SLC39A9: variants seen among roughly 807,000 people sequenced by gnomAD.
SLC39A9 encodes zinc transporter ZIP9.
In SLC39A9, 14 loss-of-function variants were observed where a neutral mutation model predicts 28.4. The observed-to-expected ratio is 0.49, with a 90% CI of 0.33 to 0.77. The LOEUF (loss-of-function observed/expected upper bound fraction) is 0.77, where lower values mean the gene tolerates loss of function less well. SLC39A9 is among the 30% of genes least tolerant of loss of function. The pLI is 0.02. For missense variants in SLC39A9, 283 were observed against 381.1 expected (o/e 0.74, Z 2.14); for synonymous variants, 119 against 149.6 (o/e 0.80, Z 1.49).
At chr14:69,432,555 T>C (rs997864165) in intron 2 of SLC39A9, among the ~76,000 whole-genome samples, 3 of 152,218 alleles carry the variant, frequency 2.0e-5, no homozygotes, top group Non-Finnish European at 4.4e-5. Flanking sequence ...TTAGTTTTAT[T>C]AGGTCCTACT....
At chr14:69,446,945 T>TAG (rs748454128) in intron 3 of SLC39A9, among the ~76,000 whole-genome samples, 11,430 of 131,524 alleles carry the variant, frequency 0.087, 547 homozygotes, top group Middle Eastern at 0.21. Flanking sequence ...TATATATATA[T>TAG]ATAGAGAGAG....
In SLC39A9 at chr14:69,453,412, C is replaced by A. The variant is rs111378848; in HGVS notation, c.472+103C>A. The stretch of plus-strand genomic sequence containing the variant: ...TCCTCATTGAATGCTCTTGGACTGG[C>A]CTTTGAGGAAAAGGTTTCTTAATGA... On this transcript the variant is annotated intron_variant, in intron 4 of 6. Coordinates refer to ENST00000336643, the MANE Select transcript of SLC39A9 (RefSeq NM_018375.5). The A allele has an allele frequency of 9.3e-5, 99 of 1,059,868 alleles. No individual in the cohort carries two copies. The African/African-American group carries it at 1.4e-3, about 15-fold the overall frequency. 65.7% of individuals were successfully genotyped at this position (1,059,868 alleles called of 1,614,324 possible). A position where few individuals can be genotyped will look rare whatever the true frequency, so the allele number is the denominator to read the frequency against.
intron 1 of SLC39A9, among the ~76,000 whole-genome samples, chr14:69,405,102 G>T (rs1478796566): frequency 2.0e-5 from 3 of 152,140 alleles, no homozygotes; most frequent in Non-Finnish European, 2.9e-5. Context: ...CACAAGAACA[G>T]CAAGAACTCA....
chr14:69,447,082 C>G (rs569355585), intron 3 of SLC39A9, among the ~76,000 whole-genome samples: 9 of 152,032 alleles, frequency 5.9e-5, no homozygotes, highest in African/African-American at 1.9e-4. Context: ...AAGGTTGGCT[C>G]AGGCACGCAT....
intron 4 of SLC39A9, among the ~76,000 whole-genome samples, chr14:69,453,894 T>C (rs1281262701): frequency 1.3e-5 from 2 of 152,246 alleles, no homozygotes; most frequent in African/African-American, 4.8e-5. Context: ...GCCTCAAATA[T>C]TTACTGTCTA....
rs1306313002 is a variant in SLC39A9 at position 69,460,086 on chromosome 14, AATAAGTGT to A, written c.*1498_*1505del. The A allele has an allele frequency of 1.0e-5, 10 of 981,014 alleles. No homozygotes were observed. The highest frequency in any genetic ancestry group is 1.1e-5 in the Non-Finnish European group (9 of 825,632). The allele number at this position is 981,014 out of a possible 1,614,324, so 60.8% of individuals were successfully genotyped here. A position where few individuals can be genotyped will look rare whatever the true frequency, so the allele number is the denominator to read the frequency against. On this transcript the variant is annotated 3_prime_UTR_variant, in exon 7 of 7. Transcript: ENST00000336643. ...AATTTTTGTAAACCCTGTCTTGTCAAATAAGTGTATAATATTGTATTATTAATTTATTT... is the reference window on the plus strand; with the variant it reads ...AATTTTTGTAAACCCTGTCTTGTCAAATAATATTGTATTATTAATTTATTT...
intron 3 of SLC39A9, among the ~76,000 whole-genome samples, chr14:69,442,961 A>G (rs996776278): frequency 6.6e-5 from 10 of 152,154 alleles, no homozygotes; most frequent in Non-Finnish European, 1.5e-5. Flanking sequence ...ACCTAAACAC[A>G]TTTGTAGCTT....
At chr14:69,421,968 G>A (rs1883924310) in intron 1 of SLC39A9, among the ~76,000 whole-genome samples, 1 of 152,150 alleles carries the variant, frequency 6.6e-6, no homozygotes, top group African/African-American at 2.4e-5. Flanking sequence ...CCCTGGGTGA[G>A]GTGTCACCCC....
chr14:69,433,208 A>G (rs1884580382), intron 2 of SLC39A9, among the ~76,000 whole-genome samples: 2 of 152,162 alleles, frequency 1.3e-5, no homozygotes, highest in South Asian at 4.1e-4. Context: ...GAATTTCATC[A>G]GGTGCTTTTT....
At chr14:69,438,305 G>A (rs1488877883) in intron 2 of SLC39A9, among the ~76,000 whole-genome samples, 2 of 152,308 alleles carry the variant, frequency 1.3e-5, no homozygotes, top group African/African-American at 2.4e-5. Flanking sequence ...ACAGGCATGA[G>A]CCACCGCGCC....
intron 1 of SLC39A9, among the ~76,000 whole-genome samples, chr14:69,414,769 A>G (rs1204405742): frequency 6.6e-6 from 1 of 152,236 alleles, no homozygotes; most frequent in Non-Finnish European, 1.5e-5. Context: ...ACCTGATGCC[A>G]CTTTCCAGTG....
intron 3 of SLC39A9, among the ~76,000 whole-genome samples, chr14:69,450,755 C>T (rs571621185): frequency 6.6e-6 from 1 of 152,280 alleles, no homozygotes; most frequent in South Asian, 2.1e-4. Flanking sequence ...GCCTGGGCAA[C>T]AAGCAAGACT....
chr14:69,424,340 C>A, intron 2 of SLC39A9, 138 bp downstream of exon 2: 1 of 634,340 alleles, frequency 1.6e-6, no homozygotes. Context: ...TGAGAGATAT[C>A]TTGATATCTT....
chr14:69,411,224 A>AC (rs995323728), intron 1 of SLC39A9, among the ~76,000 whole-genome samples: 1 of 152,062 alleles, frequency 6.6e-6, no homozygotes, highest in African/African-American at 2.4e-5. Flanking sequence ...AAAAAAAAAA[A>AC]AAAAAAAACT....
chr14:69,456,287 G>GT (rs1326895165), intron 6 of SLC39A9, among the ~76,000 whole-genome samples: 2 of 152,180 alleles, frequency 1.3e-5, no homozygotes, highest in Non-Finnish European at 2.9e-5. Context: ...GCTGTCAAGA[G>GT]TTTAAAAAAC....
chr14:69,399,799 A>G (rs1882521670), intron 1 of SLC39A9, among the ~76,000 whole-genome samples: 1 of 152,220 alleles, frequency 6.6e-6, no homozygotes, highest in African/African-American at 2.4e-5. Flanking sequence ...CATGGAATCA[A>G]GATTCCAGAT....
chr14:69,426,989 G>A (rs1401119899), intron 2 of SLC39A9, among the ~76,000 whole-genome samples: 1 of 149,164 alleles, frequency 6.7e-6, no homozygotes, highest in Non-Finnish European at 1.5e-5. Context: ...CAGTTTTCCT[G>A]ATTTTTGACC....
chr14:69,452,658 G>C (rs1259409857), intron 3 of SLC39A9, among the ~76,000 whole-genome samples: 2 of 152,126 alleles, frequency 1.3e-5, no homozygotes, highest in Non-Finnish European at 2.9e-5. Context: ...CGATGAATCT[G>C]ACACGGATGT....
intron 1 of SLC39A9, among the ~76,000 whole-genome samples, chr14:69,416,943 T>C (rs1027643800): frequency 6.6e-5 from 10 of 152,208 alleles, no homozygotes; most frequent in African/African-American, 2.4e-4. Flanking sequence ...CTGATGGTAG[T>C]TTCTTTTGCC....
Sources: allele counts gnomAD v4.1 joint callset (sites outside exome capture counted in the v4.1 genomes callset), GRCh38; gene constraint gnomAD v4.1.1; transcripts MANE v1.5; gene names NCBI Gene and HGNC (gene_info 2026-07-23, HGNC 2026-07-21).